HSPA14: variants seen among roughly 807,000 people sequenced by gnomAD.
HSPA14 encodes the protein heat shock 70 kDa protein 14.
Under a neutral mutation model 65.5 loss-of-function variants are expected in HSPA14, and 37 were observed. That is an observed-to-expected ratio of 0.56 (90% CI 0.43 to 0.74). The LOEUF (loss-of-function observed/expected upper bound fraction) is 0.74. HSPA14 is among the 30% of genes least tolerant of loss of function. The pLI, the probability that HSPA14 is intolerant of heterozygous loss-of-function variation, is 0.00. For synonymous variants in HSPA14, 203 were observed against 214.2 expected (o/e 0.95, Z 0.46); for missense variants, 564 against 607.6 (o/e 0.93, Z 0.75).
chr10:14,849,749 T>G lies in HSPA14; in HGVS notation c.405T>G (p.Asp135Glu). The change falls in exon 6 of 14, where the codon GAT becomes GAG. Residue 135 changes from aspartate to glutamate, a missense_variant. Transcript: ENST00000378372. ...KETAHSVLGSDANDVVITVPF... is the reference protein window; with the variant it reads ...KETAHSVLGSEANDVVITVPF... ...CGGCACATTCTGTATTGGGCTCAGATGCAAATGATGTAGTTATTACTGTCC... is the reference window on the plus strand; with the variant it reads ...CGGCACATTCTGTATTGGGCTCAGAGGCAAATGATGTAGTTATTACTGTCC... 1.9e-6 allele frequency: 3 copies of G among 1,612,060 alleles called. No individual in the cohort carries two copies. The highest frequency in any genetic ancestry group is 2.5e-6 in the Non-Finnish European group (3 of 1,179,400).
rs1020598375 is a variant in HSPA14 at position 14,867,245 on chromosome 10, G to C, written c.1156G>C (p.Val386Leu). The change falls in exon 11 of 14, where the codon GTG becomes CTG. Residue 386 changes from valine (V) to leucine (L), a missense_variant. Coordinates refer to ENST00000378372, the MANE Select transcript of HSPA14 (RefSeq NM_016299.4). Reference sequence around the variant, plus strand: ...TCTTATTGGGAAAGAAAACCTGTTGGTGGAAGACTCTCTTATGATAGAGTG... The same window carrying C: ...TCTTATTGGGAAAGAAAACCTGTTGCTGGAAGACTCTCTTATGATAGAGTG... The part of the protein sequence containing the change: ...GILIGKENLL[V>L]EDSLMIECSA... 1.9e-6 allele frequency: 3 copies of C among 1,613,732 alleles called. No individual in the cohort carries two copies. In the African/African-American group the frequency reaches 4.0e-5, roughly 22 times the overall value.
intron 3 of HSPA14, chr10:14,847,141 C>T (rs146950543): frequency 3.0e-5 from 15 of 500,674 alleles, no homozygotes; most frequent in South Asian, 8.6e-5. Flanking sequence ...CAGAGGAGAG[C>T]GGCCCTCTTT....
intron 10 of HSPA14, among the ~76,000 whole-genome samples, chr10:14,861,200 T>C (rs1403186869): frequency 6.6e-6 from 1 of 152,110 alleles, no homozygotes; most frequent in African/African-American, 2.4e-5. Context: ...AACTCTCAAG[T>C]TGTGTTACAA....
rs1412091343 is a variant in HSPA14, at chr10:14,868,512, C to T, written c.1380+603C>T. The stretch of plus-strand genomic sequence containing the variant: ...AAATGCAGTTGCATTCACACACACA[C>T]ACACACACACACACGGACTGCAGAA... On this transcript the variant is annotated intron_variant, in intron 12 of 13. Coordinates refer to ENST00000378372, the MANE Select transcript of HSPA14 (RefSeq NM_016299.4). 2.6e-5 allele frequency among the ~76,000 whole-genome samples: 4 copies of T among 152,100 alleles called. No homozygotes were observed. In the East Asian group the frequency reaches 5.8e-4, roughly 22 times the overall value.
intron 4 of HSPA14, 22 bp from the exon 5 acceptor site, chr10:14,848,768 A>T (rs749748267): frequency 6.9e-7 from 1 of 1,453,686 alleles, no homozygotes. Flanking sequence ...TTTATTTAGC[A>T]TAATTGTAAT....
rs140405636 is a variant in HSPA14 at position 14,862,030 on chromosome 10, A to AT, written c.994-5037dup. 3.1e-3 allele frequency among the ~76,000 whole-genome samples: 409 copies of AT among 133,750 alleles called. 1 individual carries two copies. Among genetic ancestry groups the AT allele is most frequent in the Non-Finnish European group, 4.5e-3 (285 of 62,996 alleles). 87.7% of individuals were successfully genotyped at this position (133,750 alleles called of 152,430 possible). ...TGTCTCAAAAAAAAAAAAGAAATAG[A>AT]TTTTTTTTTTTTTTTTGAGACAGTC... On this transcript the variant is annotated intron_variant, in intron 10 of 13. Transcript: ENST00000378372.
intron 9 of HSPA14, among the ~76,000 whole-genome samples, chr10:14,854,863 A>G (rs1347101747): frequency 1.3e-5 from 2 of 152,248 alleles, no homozygotes; most frequent in Non-Finnish European, 2.9e-5. Context: ...AACATTAAAA[A>G]TGCAGTTCCT....
intron 11 of HSPA14, 61 bp downstream of exon 11, chr10:14,867,356 A>G: frequency 8.5e-7 from 1 of 1,176,806 alleles, no homozygotes; most frequent in Non-Finnish European, 1.2e-6. Context: ...TTTACATAAA[A>G]ATAGTAAATT....
At chr10:14,862,368 TTTC>T (rs897632048) in intron 10 of HSPA14, among the ~76,000 whole-genome samples, 2 of 147,406 alleles carry the variant, frequency 1.4e-5, no homozygotes, top group East Asian at 2.0e-4. Flanking sequence ...AGCTCTTTCT[TTTC>T]TTTTCTTTTT....
intron 10 of HSPA14, among the ~76,000 whole-genome samples, chr10:14,865,241 G>C (rs1253091855): frequency 6.6e-6 from 1 of 152,086 alleles, no homozygotes; most frequent in East Asian, 1.9e-4. Flanking sequence ...CAGATGAGTA[G>C]ATTGCAAAAA....
Position 14,842,458 on chromosome 10 carries a change from C to G in HSPA14, c.221+2301C>G. The G allele has an allele frequency of 6.5e-7, 1 of 1,536,134 alleles. No individual in the cohort carries two copies. Among genetic ancestry groups the G allele is most frequent in the Non-Finnish European group, 8.7e-7 (1 of 1,146,916 alleles). Reference sequence around the variant, plus strand: ...TGCAGCAGGAGGGCTTCCGCCGCACCGAACGTCAGTGCCGCTCCAAGTTTA... The same window carrying G: ...TGCAGCAGGAGGGCTTCCGCCGCACGGAACGTCAGTGCCGCTCCAAGTTTA... On this transcript the variant is annotated intron_variant, in intron 3 of 13. Transcript: ENST00000378372. The surrounding 1 kb of genome is among the most constrained non-coding windows in gnomAD (Gnocchi z 5.2).
chr10:14,859,777 C>T (rs1832736653), intron 10 of HSPA14, among the ~76,000 whole-genome samples: 1 of 152,162 alleles, frequency 6.6e-6, no homozygotes, highest in African/African-American at 2.4e-5. Context: ...TATTTGTTAT[C>T]AAATTGCTCA....
At chr10:14,862,243 T>C (rs191001517) in intron 10 of HSPA14, among the ~76,000 whole-genome samples, 11,054 of 151,514 alleles carry the variant, frequency 0.073, 500 homozygotes, top group South Asian at 0.21. Flanking sequence ...TTAGCCAGCA[T>C]GGTCTCAATC....
At chr10:14,843,581 G>A in intron 3 of HSPA14, 4 of 1,550,662 alleles carry the variant, frequency 2.6e-6, no homozygotes, top group Non-Finnish European at 3.5e-6. Context: ...GGTGGGGATA[G>A]GCCCTTGACC....
At chr10:14,861,129 T>C (rs1321432886) in intron 10 of HSPA14, among the ~76,000 whole-genome samples, 3 of 152,110 alleles carry the variant, frequency 2.0e-5, no homozygotes, top group African/African-American at 4.8e-5. Flanking sequence ...TGGAGATAAA[T>C]GCCTTACTGG....
chr10:14,854,245 A>G lies in HSPA14; in HGVS notation c.855A>G (p.Leu285=), dbSNP rs765580174. 1 of 1,612,630 alleles carries G rather than the reference A, an allele frequency of 6.2e-7. No homozygotes were observed. Among genetic ancestry groups the G allele is most frequent in the Non-Finnish European group, 8.5e-7 (1 of 1,179,554 alleles). Reference sequence around the variant, plus strand: ...GTGCCAACTGTTTTCTTGACTCATTATATGAAGGTCAAGATTTTGATTGCA... The same window carrying G: ...GTGCCAACTGTTTTCTTGACTCATTGTATGAAGGTCAAGATTTTGATTGCA... ...LGSANCFLDS[L]YEGQDFDCNV... The change falls in exon 9 of 14, where the codon TTA becomes TTG. Residue 285 remains leucine (L), a synonymous_variant. Coordinates refer to ENST00000378372, the MANE Select transcript of HSPA14 (RefSeq NM_016299.4).
At position 14,871,598 on chromosome 10, in the gene HSPA14, G is replaced by C; in HGVS notation, c.1522G>C (p.Ala508Pro). 6.4e-7 allele frequency: 1 copy of C among 1,551,852 alleles called. No homozygotes were observed. Among genetic ancestry groups the C allele is most frequent in the Non-Finnish European group, 8.8e-7 (1 of 1,132,840 alleles). ...GKCEAISIEIAS is the reference protein window; with the variant it reads ...GKCEAISIEIPS ...ATGTGAAGCAATCTCTATTGAGATA[G>C]CATCTTAGTGTTTTAGAGAAATCAA... The change falls in exon 14 of 14, where the codon GCA becomes CCA. Residue 508 changes from alanine to proline, a missense_variant. Transcript: ENST00000378372.
intron 3 of HSPA14, chr10:14,846,272 G>A: frequency 1.0e-6 from 1 of 985,412 alleles, no homozygotes; most frequent in Non-Finnish European, 1.2e-6. Flanking sequence ...AGAAGTACTT[G>A]ACGGAGAGTT....
rs1272895518 is a variant in HSPA14 at position 14,867,117 on chromosome 10, A to G, written c.1028A>G (p.Lys343Arg). 7 of 1,613,658 alleles carry G rather than the reference A, an allele frequency of 4.3e-6. No individual in the cohort carries two copies. Among genetic ancestry groups the G allele is most frequent in the Non-Finnish European group, 5.9e-6 (7 of 1,179,756 alleles). Reference sequence around the variant, plus strand: ...TGTGGAGGGTCTTCTCGAATCCCAAAGCTACAGCAACTGATTAAAGATCTT... The same window carrying G: ...TGTGGAGGGTCTTCTCGAATCCCAAGGCTACAGCAACTGATTAAAGATCTT... Reference protein sequence around the residue: ...VLCGGSSRIPKLQQLIKDLFP... With the variant: ...VLCGGSSRIPRLQQLIKDLFP... Residue 343 changes from lysine (K) to arginine (R), a missense_variant, in exon 11 of 14, where the codon AAG (lysine) becomes AGG (arginine). Lys to Arg is a conservative substitution (Grantham distance 26). Transcript: ENST00000378372.
Sources: allele counts gnomAD v4.1 joint callset (sites outside exome capture counted in the v4.1 genomes callset), GRCh38; gene constraint gnomAD v4.1.1; non-coding constraint Gnocchi (gnomAD v3.1); transcripts MANE v1.5; gene names NCBI Gene and HGNC (gene_info 2026-07-23, HGNC 2026-07-21).